Variants in TTC7A observed in about 807,000 individuals in gnomAD.
TTC7A encodes the protein tetratricopeptide repeat protein 7A.
Under a neutral mutation model 103.7 loss-of-function variants are expected in TTC7A, and 110 were observed. The ratio of observed to expected loss-of-function variants is 1.06; its 90% CI spans 0.91 to 1.24. The LOEUF (loss-of-function observed/expected upper bound fraction) is 1.24, where lower values mean the gene tolerates loss of function less well. Among genes scored for constraint, TTC7A ranks in the 50% most tolerant of loss-of-function variants. TTC7A has a pLI of 0.00. For missense variants in TTC7A, 1,340 were observed against 1,116.3 expected, an observed-to-expected ratio of 1.20 and a Z score of -2.86; for synonymous variants, 521 against 467.9, an observed-to-expected ratio of 1.11 and a Z score of -1.47.
At chr2:46,956,210 G>A (rs989628965) in intron 2 of TTC7A, among the ~76,000 whole-genome samples, 2 of 152,188 alleles carry the variant, frequency 1.3e-5, no homozygotes, top group Admixed American at 6.5e-5. Flanking sequence ...AAGAAAACAC[G>A]TTTAAATTCA....
chr2:46,983,596 C>T (rs1674701257), intron 5 of TTC7A, among the ~76,000 whole-genome samples: 1 of 152,222 alleles, frequency 6.6e-6, no homozygotes, highest in Non-Finnish European at 1.5e-5. Flanking sequence ...ACTTTAACTC[C>T]TCAGTGACTT....
At chr2:46,960,045 C>T (rs1672235089) in intron 3 of TTC7A, among the ~76,000 whole-genome samples, 1 of 152,196 alleles carries the variant, frequency 6.6e-6, no homozygotes, top group South Asian at 2.1e-4. Context: ...TGTGCCCAGC[C>T]ACCAGCATTC....
intron 19 of TTC7A, among the ~76,000 whole-genome samples, chr2:47,072,811 G>T (rs1321763434): frequency 2.4e-5 from 1 of 42,100 alleles, no homozygotes; most frequent in African/African-American, 1.3e-4. Context: ...CTGAAAGGGG[G>T]CCCTGCCCTC....
chr2:47,009,995 T>G (rs925472363), intron 10 of TTC7A, among the ~76,000 whole-genome samples: 3 of 151,452 alleles, frequency 2.0e-5, no homozygotes, highest in African/African-American at 7.3e-5. Context: ...AGGGTAGTGG[T>G]TAGAGCCAGG....
At chr2:46,987,892 A>C (rs1675203694) in intron 5 of TTC7A, among the ~76,000 whole-genome samples, 2 of 151,716 alleles carry the variant, frequency 1.3e-5, no homozygotes, top group African/African-American at 4.9e-5. Flanking sequence ...GAGGCAGCAA[A>C]GGCACCTTAG....
At chr2:46,934,806 T>C (rs1285619015) in intron 2 of TTC7A, among the ~76,000 whole-genome samples, 2 of 126,828 alleles carry the variant, frequency 1.6e-5, no homozygotes, top group Non-Finnish European at 3.3e-5. Flanking sequence ...TTTTTTTTTT[T>C]TTTTTTTTTT....
chr2:47,036,578 T>TA (rs1156643432), intron 15 of TTC7A, among the ~76,000 whole-genome samples: 2 of 152,202 alleles, frequency 1.3e-5, no homozygotes, highest in East Asian at 3.9e-4. Context: ...AGAGTCCTTT[T>TA]AAAAATCATA....
chr2:46,957,106 C>T, intron 3 of TTC7A, 99 bp downstream of exon 3: 2 of 1,464,208 alleles, frequency 1.4e-6, no homozygotes, highest in South Asian at 2.4e-5. Flanking sequence ...ATTCTTCACC[C>T]CTGGTAGTGC....
intron 11 of TTC7A, among the ~76,000 whole-genome samples, chr2:47,021,086 C>G (rs1679230156): frequency 6.6e-6 from 1 of 152,242 alleles, no homozygotes; most frequent in African/African-American, 2.4e-5. Flanking sequence ...GGAAGCATCC[C>G]TGCCCTCTCT....
At chr2:47,009,722 G>C (rs896143686) in intron 10 of TTC7A, among the ~76,000 whole-genome samples, 7 of 152,000 alleles carry the variant, frequency 4.6e-5, no homozygotes, top group Non-Finnish European at 1.0e-4. Flanking sequence ...GCTAATTAAT[G>C]GGGGGTTGCT....
chr2:47,072,880 G>C (rs976078621), intron 19 of TTC7A, among the ~76,000 whole-genome samples: 1 of 152,238 alleles, frequency 6.6e-6, no homozygotes, highest in Non-Finnish European at 1.5e-5. Context: ...AGAAGAGGAT[G>C]TAGAGGGGAC....
intron 11 of TTC7A, among the ~76,000 whole-genome samples, 200 bp downstream of exon 11, chr2:47,011,635 G>C (rs574001007): frequency 6.6e-6 from 1 of 152,346 alleles, no homozygotes; most frequent in Non-Finnish European, 1.5e-5. Flanking sequence ...GACTCAGGAT[G>C]GTGTCTGGTT....
At chr2:47,064,880 G>C (rs2104796692) in intron 19 of TTC7A, among the ~76,000 whole-genome samples, 1 of 152,328 alleles carries the variant, frequency 6.6e-6, no homozygotes, top group Non-Finnish European at 1.5e-5. Flanking sequence ...TGAGTTCTTA[G>C]CTGGGACCTT....
chr2:47,036,025 C>G (rs958538536), intron 15 of TTC7A, among the ~76,000 whole-genome samples: 1 of 152,250 alleles, frequency 6.6e-6, no homozygotes, highest in Non-Finnish European at 1.5e-5. Flanking sequence ...TCTTCCACCC[C>G]TGAATGGCCA....
At position 46,942,894 on chromosome 2, in the gene TTC7A, T is replaced by TTTTG. The variant is rs370525644; in HGVS notation, c.184+1193_184+1196dup. On this transcript the variant is annotated intron_variant, in intron 1 of 19. Coordinates refer to ENST00000319190, the MANE Select transcript of TTC7A (RefSeq NM_020458.4). ...TTTTTGGTTGTCTTTTTGTTTTTGT[T>TTTTG]TTTGTTTGTTTGTTTGTTTGTTTGT... Among the ~76,000 whole-genome samples, 1,429 of 151,942 alleles carry TTTTG rather than the reference T, an allele frequency of 9.4e-3. 12 individuals are homozygous for TTTTG. The highest frequency in any genetic ancestry group is 0.024 in the Middle Eastern group (7 of 292).
chr2:47,007,902 A>G lies in TTC7A; in HGVS notation c.1287+1178A>G, dbSNP rs1278548905. 6.6e-6 allele frequency among the ~76,000 whole-genome samples: 1 copy of G among 152,228 alleles called. No individual in the cohort carries two copies. Among genetic ancestry groups the G allele is most frequent in the Non-Finnish European group, 1.5e-5 (1 of 68,032 alleles). ...TCAAGGCTCAGGGAGAATTCAGAAC[A>G]CAGGGCAAGGCCCTGGCCCTCCAAG... On this transcript the variant is annotated intron_variant, in intron 10 of 19. Transcript: ENST00000319190. The surrounding 1 kb of genome is among the most constrained non-coding windows in gnomAD (Gnocchi z 4.9).
rs2033533 is a variant in TTC7A, at chr2:46,950,648, G to T, written c.348+122G>T. 213,217 of 1,094,094 alleles carry T rather than the reference G, an allele frequency of 0.19. 21,565 individuals are homozygous for T. The highest frequency in any genetic ancestry group is 0.28 in the Middle Eastern group (1,028 of 3,734). 67.8% of individuals were successfully genotyped at this position (1,094,094 alleles called of 1,614,324 possible). A position where few individuals can be genotyped will look rare whatever the true frequency, so the allele number is the denominator to read the frequency against. On this transcript the variant is annotated intron_variant, in intron 2 of 19. Transcript: ENST00000319190. ...CAAGTCTCTCTTACAAGCTGCCCTT[G>T]CACTTACAGTAGCCACTGGCTGCAC...
chr2:47,066,008 C>T (rs1473362285), intron 19 of TTC7A: 1 of 152,200 alleles, frequency 6.6e-6, no homozygotes, highest in Non-Finnish European at 1.5e-5. Flanking sequence ...CAGAACCTCT[C>T]CCTGTCAGGC....
intron 2 of TTC7A, among the ~76,000 whole-genome samples, chr2:46,955,302 G>A (rs1018564046): frequency 9.2e-5 from 14 of 152,208 alleles, no homozygotes; most frequent in African/African-American, 3.1e-4. Flanking sequence ...AGGACTGTGG[G>A]CCACATACCT....
Sources: gnomAD v4.1 joint callset for allele counts (sites outside exome capture counted in the v4.1 genomes callset) on GRCh38, gnomAD v4.1.1 for gene constraint, Gnocchi (gnomAD v3.1) non-coding constraint, MANE v1.5 for transcripts, NCBI Gene and HGNC (gene_info 2026-07-23, HGNC 2026-07-21) for gene names.